SHLD2: variants seen among roughly 807,000 people sequenced by gnomAD.
SHLD2 encodes shieldin complex subunit 2, also known as RINN1-REV7-interacting novel NHEJ regulator 2.
In SHLD2, 30 loss-of-function variants were observed where a neutral mutation model predicts 73.2. The observed-to-expected ratio is 0.41, with a 90% CI of 0.31 to 0.56. The LOEUF is 0.56. Among genes scored for constraint, SHLD2 ranks in the 20% least tolerant of loss-of-function variants. SHLD2 has a pLI of 0.28. For synonymous variants in SHLD2, 285 were observed against 370.1 expected (o/e 0.77, Z 2.64); for missense variants, 745 against 1,055.9 (o/e 0.71, Z 4.08).
At chr10:87,103,681 C>A (rs1842410695) in intron 2 of SHLD2, among the ~76,000 whole-genome samples, 1 of 152,104 alleles carries the variant, frequency 6.6e-6, no homozygotes, top group Non-Finnish European at 1.5e-5. Context: ...ATAACAGAAA[C>A]TGTGTCAAAG....
At chr10:87,097,530 T>G (rs886812688) in intron 2 of SHLD2, among the ~76,000 whole-genome samples, 1 of 151,988 alleles carries the variant, frequency 6.6e-6, no homozygotes, top group Admixed American at 6.6e-5. Flanking sequence ...GGAGAGAGGT[T>G]GCAGTGAGCC....
At chr10:87,154,138 G>A (rs1261109799) in intron 3 of SHLD2, 2 of 152,116 alleles carry the variant, frequency 1.3e-5, no homozygotes, top group Non-Finnish European at 2.9e-5. Context: ...GATTACAGGC[G>A]TGAGCCACCG....
rs1250237463 is a variant in SHLD2 at position 87,190,491 on chromosome 10, C to T, written c.2523C>T (p.Ser841=). 2 of 1,611,938 alleles carry T rather than the reference C, an allele frequency of 1.2e-6. No individual in the cohort carries two copies. The highest frequency in any genetic ancestry group is 1.3e-5 in the African/African-American group (1 of 74,974). The change falls in exon 10 of 10, where the codon TCC becomes TCT. Residue 841 remains serine, a synonymous_variant. Transcript: ENST00000298786. The part of the protein sequence containing the change: ...ADCLNRVIVP[S]SEITYGMVVA... ...TGTTTTTGTCTTTTGCAGTTCCTTC[C>T]TCAGAGATCACCTATGGGATGGTCG...
At chr10:87,125,316 T>C (rs1259885008) in intron 2 of SHLD2, among the ~76,000 whole-genome samples, 1 of 152,254 alleles carries the variant, frequency 6.6e-6, no homozygotes, top group African/African-American at 2.4e-5. Flanking sequence ...GGATCAAATT[T>C]TTTTTTAGAG....
At chr10:87,107,214 A>G (rs1668939556) in intron 2 of SHLD2, among the ~76,000 whole-genome samples, 1 of 151,960 alleles carries the variant, frequency 6.6e-6, no homozygotes, top group African/African-American at 2.4e-5. Context: ...GAAGTTCAGG[A>G]CTAGTCTGGC....
At chr10:87,154,649 A>G (rs1846266540) in intron 3 of SHLD2, among the ~76,000 whole-genome samples, 1 of 152,036 alleles carries the variant, frequency 6.6e-6, no homozygotes, top group South Asian at 2.1e-4. Flanking sequence ...CCAAAATGCT[A>G]GGATTACAAG....
At chr10:87,166,846 G>A (rs1449120393) in intron 4 of SHLD2, among the ~76,000 whole-genome samples, 1 of 152,028 alleles carries the variant, frequency 6.6e-6, no homozygotes, top group Non-Finnish European at 1.5e-5. Flanking sequence ...GAGATGGTGT[G>A]GTTTTGCCCA....
intron 7 of SHLD2, among the ~76,000 whole-genome samples, chr10:87,178,288 C>T (rs1848078287): frequency 2.1e-5 from 3 of 140,944 alleles, no homozygotes; most frequent in African/African-American, 8.0e-5. Flanking sequence ...GGGAGGAGAG[C>T]AAGGGTTTAA....
intron 2 of SHLD2, among the ~76,000 whole-genome samples, chr10:87,115,052 A>G (rs980823448): frequency 6.6e-6 from 1 of 151,886 alleles, no homozygotes; most frequent in African/African-American, 2.4e-5. Flanking sequence ...AGTCATATTT[A>G]TTTATTTATT....
chr10:87,139,972 A>C (rs1213687792), intron 2 of SHLD2, among the ~76,000 whole-genome samples: 1 of 152,242 alleles, frequency 6.6e-6, no homozygotes, highest in Non-Finnish European at 1.5e-5. Flanking sequence ...ATAGCAGTAG[A>C]ACCTATTCAC....
chr10:87,094,488 G>C (rs1403533717), upstream of SHLD2: 1 of 1,613,620 alleles, frequency 6.2e-7, no homozygotes, highest in African/African-American at 1.3e-5. The surrounding 1 kb of genome is among the most constrained non-coding windows in gnomAD (Gnocchi z 6.6). Flanking sequence ...TCTGCTCCTC[G>C]CTCTCCCGGG....
intron 4 of SHLD2, among the ~76,000 whole-genome samples, chr10:87,160,457 C>T (rs1393291716): frequency 1.3e-5 from 2 of 151,962 alleles, no homozygotes; most frequent in Non-Finnish European, 2.9e-5. Context: ...CCTGGGTGAC[C>T]GGAGTCAGAC....
At chr10:87,098,976 A>G (rs182600231) in intron 2 of SHLD2, among the ~76,000 whole-genome samples, 1 of 152,114 alleles carries the variant, frequency 6.6e-6, no homozygotes, top group African/African-American at 2.4e-5. Flanking sequence ...GGGTTTCACT[A>G]TGTTGCCCAG....
At chr10:87,147,639 G>A (rs1275840200) in intron 2 of SHLD2, among the ~76,000 whole-genome samples, 2 of 151,800 alleles carry the variant, frequency 1.3e-5, no homozygotes, top group Non-Finnish European at 2.9e-5. Context: ...GGCAATTAGG[G>A]CAGCTTTCCT....
At chr10:87,137,589 A>G (rs1305094926) in intron 2 of SHLD2, among the ~76,000 whole-genome samples, 1 of 152,154 alleles carries the variant, frequency 6.6e-6, no homozygotes, top group Non-Finnish European at 1.5e-5. Flanking sequence ...ATGGTCTAAC[A>G]TATATGTAAT....
intron 2 of SHLD2, chr10:87,115,550 G>A (rs1312689054): frequency 1.3e-5 from 2 of 152,068 alleles, no homozygotes; most frequent in East Asian, 1.9e-4. Context: ...TAGTGGTGAC[G>A]TTGTAAGAGG....
intron 4 of SHLD2, among the ~76,000 whole-genome samples, chr10:87,160,799 G>A (rs1273017879): frequency 6.6e-6 from 1 of 152,012 alleles, no homozygotes; most frequent in Admixed American, 6.6e-5. Flanking sequence ...GGACCAGCCT[G>A]GCCAACATAG....
chr10:87,146,883 C>T (rs1277381666), intron 2 of SHLD2, among the ~76,000 whole-genome samples: 1 of 151,210 alleles, frequency 6.6e-6, no homozygotes, highest in Non-Finnish European at 1.5e-5. Flanking sequence ...ATGGAGAAAC[C>T]CCATCTCTAC....
chr10:87,096,441 A>G (rs910857631), intron 1 of SHLD2, among the ~76,000 whole-genome samples: 2 of 151,464 alleles, frequency 1.3e-5, no homozygotes, highest in Admixed American at 1.3e-4. Context: ...TCCTATGGAT[A>G]GCTTTTGGTG....
Sources: allele counts gnomAD v4.1 joint callset (sites outside exome capture counted in the v4.1 genomes callset), GRCh38; gene constraint gnomAD v4.1.1; non-coding constraint Gnocchi (gnomAD v3.1); transcripts MANE v1.5; gene names NCBI Gene and HGNC (gene_info 2026-07-23, HGNC 2026-07-21).